The following STOML3 variants were observed in gnomAD, a reference collection of about 807,000 sequenced individuals.
The protein encoded by STOML3 is stomatin-like protein 3.
Under a neutral mutation model 29.5 loss-of-function variants are expected in STOML3, and 31 were observed. That is an observed-to-expected ratio of 1.05 (90% CI 0.79 to 1.42). The LOEUF (loss-of-function observed/expected upper bound fraction) is 1.42, where lower values mean the gene tolerates loss of function less well. Ranked by LOEUF, STOML3 falls within the 40% of genes most tolerant of loss-of-function variation. STOML3 has a pLI of 0.00. For missense variants in STOML3, 380 were observed against 363.0 expected, an observed-to-expected ratio of 1.05 and a Z score of -0.38; for synonymous variants, 122 against 139.8, an observed-to-expected ratio of 0.87 and a Z score of 0.90.
rs200913353 is a variant in STOML3, at chr13:38,968,454, C to G, written c.597G>C (p.Gln199His). The change falls in exon 6 of 7, where the codon CAG becomes CAC. Residue 199 changes from glutamine (Q) to histidine (H), a missense_variant. By Grantham distance (24) the Gln-to-His change is conservative (BLOSUM62 0). Coordinates refer to ENST00000379631, the MANE Select transcript of STOML3 (RefSeq NM_145286.3). ...VEIKDVRIPV[Q>H]LQRSMAAEAE... The stretch of plus-strand genomic sequence containing the variant: ...CCTCGGCTGCCATGGATCTCTGCAA[C>G]TGCACGGGAATCCGAACATCTTTGA... 1.0e-4 allele frequency: 166 copies of G among 1,614,056 alleles called. No homozygotes were observed. The highest frequency in any genetic ancestry group is 1.4e-4 in the Non-Finnish European group (160 of 1,180,032).
chr13:38,968,346 T>C, intron 6 of STOML3, 54 bp downstream of exon 6: 16 of 1,590,710 alleles, frequency 1.0e-5, no homozygotes, highest in Non-Finnish European at 1.4e-5. Flanking sequence ...CCTATCCTTG[T>C]TGGCCCCAAC....
intron 1 of STOML3, chr13:38,980,191 A>G: frequency 1.3e-6 from 2 of 1,502,346 alleles, no homozygotes; most frequent in African/African-American, 2.8e-5. Flanking sequence ...ACACTGGAGC[A>G]TTAGAATCAC....
At chr13:38,975,811 CA>C (rs1031881026) in intron 3 of STOML3, among the ~76,000 whole-genome samples, 3 of 151,834 alleles carry the variant, frequency 2.0e-5, no homozygotes, top group Non-Finnish European at 4.4e-5. Flanking sequence ...CGGGCAAAAA[CA>C]AAAAACAAAC....
At chr13:38,980,270 T>C in intron 1 of STOML3, 1 of 768,618 alleles carries the variant, frequency 1.3e-6, no homozygotes, top group Non-Finnish European at 2.1e-6. Context: ...AAAGTGGGGC[T>C]GTGAGTGCTG....
rs1880634654 is a variant in STOML3, at chr13:38,966,139, A to C, written c.*686T>G. On this transcript the variant is annotated 3_prime_UTR_variant, in exon 7 of 7. Coordinates refer to ENST00000379631, the MANE Select transcript of STOML3 (RefSeq NM_145286.3). ...TCCAAGCATTCTCCCTTGTAAGCAA[A>C]TAAATTGACAGGAGCTGGCCACTTT... 1 of 152,210 alleles carries C rather than the reference A, an allele frequency of 6.6e-6. No homozygotes were observed. Among genetic ancestry groups the C allele is most frequent in the African/African-American group, 2.4e-5 (1 of 41,430 alleles). The allele number at this position is 152,210 out of a possible 1,614,324, so 9.4% of individuals were successfully genotyped here. A position where few individuals can be genotyped will look rare whatever the true frequency, so the allele number is the denominator to read the frequency against.
At chr13:38,978,539 G>A (rs1241338279) in intron 1 of STOML3, among the ~76,000 whole-genome samples, 1 of 151,990 alleles carries the variant, frequency 6.6e-6, no homozygotes, top group Non-Finnish European at 1.5e-5. Context: ...ATCTCCTCCA[G>A]CTGATTTATA....
rs759156615 is a variant in STOML3 at position 38,968,363 on chromosome 13, CA to C, written c.651+36del. The C allele has an allele frequency of 2.5e-4, 397 of 1,606,812 alleles. 1 individual carries two copies. The Admixed American group carries it at 6.4e-3, about 26-fold the overall frequency. On this transcript the variant is annotated intron_variant, in intron 6 of 6. Coordinates refer to ENST00000379631, the MANE Select transcript of STOML3 (RefSeq NM_145286.3). ...TATCCTTGTTGGCCCCAACACTAGG[CA>C]GTTCTCCCTCCATGTGTGAACTGCA...
At chr13:38,981,607 C>T (rs554313278) in intron 1 of STOML3, among the ~76,000 whole-genome samples, 1 of 152,240 alleles carries the variant, frequency 6.6e-6, no homozygotes, top group South Asian at 2.1e-4. Context: ...TAAATAGTCT[C>T]TTAGTTTCTT....
chr13:38,974,522 T>C (rs187809824), intron 3 of STOML3, among the ~76,000 whole-genome samples: 1 of 152,130 alleles, frequency 6.6e-6, no homozygotes, highest in African/African-American at 2.4e-5. Flanking sequence ...ATATATAAGC[T>C]GGTAGTGAAG....
rs560265935 is a variant in STOML3, at chr13:38,971,059, G to A, written c.313-671C>T. On this transcript the variant is annotated intron_variant, in intron 4 of 6. Transcript: ENST00000379631. ...CTTTCTTTTTTTTTTTTGAGATGGA[G>A]TTTGGCTCCGTCACCCAGGCTGGAC... is the stretch of plus-strand genomic sequence containing the variant. Among the ~76,000 whole-genome samples, 9 of 151,776 alleles carry A rather than the reference G, an allele frequency of 5.9e-5. No homozygotes were observed. The South Asian group carries it at 1.9e-3, about 32-fold the overall frequency.
chr13:38,979,080 T>C (rs1881187715), intron 1 of STOML3, among the ~76,000 whole-genome samples: 1 of 152,208 alleles, frequency 6.6e-6, no homozygotes, highest in South Asian at 2.1e-4. Flanking sequence ...AGATACATAT[T>C]TTGTATTAAA....
Position 38,987,965 on chromosome 13 carries a change from ATATAT to A in STOML3, c.52+2700_52+2704del, listed in dbSNP as rs1224375899. ...TATATAATATATTATATTTTATATAATATATTATATGTTATATATAATATATTATA... is the reference window on the plus strand; with the variant it reads ...TATATAATATATTATATTTTATATAATATATGTTATATATAATATATTATA... On this transcript the variant is annotated intron_variant, in intron 1 of 6. Transcript: ENST00000379631. Among the ~76,000 whole-genome samples, 198 of 86,506 alleles carry A rather than the reference ATATAT, an allele frequency of 2.3e-3. 2 individuals carry two copies. The highest frequency in any genetic ancestry group is 0.029 in the Middle Eastern group (2 of 68). The allele number at this position is 86,506 out of a possible 152,430, so 56.8% of individuals were successfully genotyped here. A position where few individuals can be genotyped will look rare whatever the true frequency, so the allele number is the denominator to read the frequency against.
At chr13:38,975,348 AGAAG>A (rs370159753) in intron 3 of STOML3, among the ~76,000 whole-genome samples, 4,818 of 151,954 alleles carry the variant, frequency 0.032, 271 homozygotes, top group African/African-American at 0.11. Context: ...AACAAAAAAA[AGAAG>A]GAAAGCCAAG....
At chr13:38,974,602 A>G (rs1373827126) in intron 3 of STOML3, among the ~76,000 whole-genome samples, 1 of 152,182 alleles carries the variant, frequency 6.6e-6, no homozygotes, top group Non-Finnish European at 1.5e-5. Context: ...TTAAATGCTC[A>G]TGAAGTGTCA....
intron 1 of STOML3, among the ~76,000 whole-genome samples, chr13:38,986,051 T>C (rs1408688303): frequency 1.3e-5 from 2 of 148,844 alleles, no homozygotes; most frequent in Non-Finnish European, 3.0e-5. Flanking sequence ...TTTTTTTTTT[T>C]TTTTGGTTTG....
Position 38,976,531 on chromosome 13 carries a change from C to A in STOML3, c.229+9G>T. 6.2e-7 allele frequency: 1 copy of A among 1,614,168 alleles called. No homozygotes were observed. Among genetic ancestry groups the A allele is most frequent in the Non-Finnish European group, 8.5e-7 (1 of 1,180,038 alleles). ...GATCTTTCAGGGGCAGCCACCGCGT[C>A]ATTCATACCTGGCCCCTTGGCTTTG... On this transcript the variant is annotated intron_variant, in intron 3 of 6. Transcript: ENST00000379631.
chr13:38,977,130 G>A (rs1459991652), intron 1 of STOML3, among the ~76,000 whole-genome samples: 3 of 152,146 alleles, frequency 2.0e-5, no homozygotes, highest in Non-Finnish European at 4.4e-5. Context: ...TCTCTGGACC[G>A]TCCACACCAG....
At chr13:38,978,572 A>G (rs1358733585) in intron 1 of STOML3, among the ~76,000 whole-genome samples, 1 of 152,110 alleles carries the variant, frequency 6.6e-6, no homozygotes, top group Non-Finnish European at 1.5e-5. Context: ...AAGCACTAGG[A>G]CTAGATATCC....
intron 1 of STOML3, among the ~76,000 whole-genome samples, chr13:38,985,911 C>CTTTTTTTTTTTTTTT (rs1170409048): frequency 4.6e-4 from 39 of 85,602 alleles, no homozygotes; most frequent in East Asian, 1.2e-3. Flanking sequence ...TCTTTTCTTT[C>CTTTTTTTTTTTTTTT]TTTTTTTTTT....
Sources: allele counts gnomAD v4.1 joint callset (sites outside exome capture counted in the v4.1 genomes callset), GRCh38; gene constraint gnomAD v4.1.1; transcripts MANE v1.5; gene names NCBI Gene and HGNC (gene_info 2026-07-23, HGNC 2026-07-21).